The following RNF170 variants were observed in gnomAD, a reference collection of about 807,000 sequenced individuals.
RNF170 encodes E3 ubiquitin-protein ligase RNF170.
In RNF170, 12 loss-of-function variants were observed where a neutral mutation model predicts 32.7. The ratio of observed to expected loss-of-function variants is 0.37; its 90% CI spans 0.24 to 0.60. RNF170 has a LOEUF of 0.60. Ranked by LOEUF, RNF170 falls within the 20% of genes least tolerant of loss-of-function variation. The probability of loss-of-function intolerance (pLI) is 0.72; values close to 1 mark genes in which losing one functional copy is unlikely to be tolerated. For missense variants in RNF170, 212 were observed against 311.2 expected (o/e 0.68, Z 2.40); for synonymous variants, 91 against 103.6 (o/e 0.88, Z 0.74).
At chr8:42,877,642 A>G (rs546330798) in intron 2 of RNF170, among the ~76,000 whole-genome samples, 4 of 152,242 alleles carry the variant, frequency 2.6e-5, no homozygotes, top group Non-Finnish European at 4.4e-5. Context: ...AAATGCATCA[A>G]AGGGCCAAAC....
At chr8:42,897,033 G>A, upstream of RNF170, 2 of 912,198 alleles carry the variant, frequency 2.2e-6, no homozygotes, top group Non-Finnish European at 2.9e-6. Flanking sequence ...GAGCAGGCGG[G>A]CCTGAGGCCG....
intron 2 of RNF170, among the ~76,000 whole-genome samples, chr8:42,880,732 T>C (rs190789748): frequency 1.2e-3 from 179 of 152,114 alleles, no homozygotes; most frequent in African/African-American, 4.2e-3. Context: ...ATCACGCCAC[T>C]GCACTCCAGC....
chr8:42,876,177 A>G (rs1301781377), intron 2 of RNF170, among the ~76,000 whole-genome samples: 1 of 151,538 alleles, frequency 6.6e-6, no homozygotes, highest in Non-Finnish European at 1.5e-5. Context: ...TCTATAAGAA[A>G]GAAGATGTAG....
chr8:42,870,318 A>G (rs761755319), intron 3 of RNF170, among the ~76,000 whole-genome samples: 9 of 152,218 alleles, frequency 5.9e-5, no homozygotes, highest in Non-Finnish European at 1.3e-4. Flanking sequence ...TTTCCTTCCT[A>G]AACACAATTT....
intron 2 of RNF170, among the ~76,000 whole-genome samples, chr8:42,880,357 A>G (rs1286837195): frequency 6.6e-6 from 1 of 152,260 alleles, no homozygotes; most frequent in Non-Finnish European, 1.5e-5. Flanking sequence ...GACTGACTCC[A>G]GTTTTGAAAA....
chr8:42,892,552 T>C (rs1253067125), intron 1 of RNF170, among the ~76,000 whole-genome samples: 1 of 152,194 alleles, frequency 6.6e-6, no homozygotes, highest in Non-Finnish European at 1.5e-5. Flanking sequence ...CTGTGCTCAA[T>C]TGCTTCACCC....
chr8:42,853,872 C>A lies in RNF170; in HGVS notation c.*2287G>T, dbSNP rs540416187. 1.6e-6 allele frequency: 2 copies of A among 1,286,578 alleles called. No individual in the cohort carries two copies. The highest frequency in any genetic ancestry group is 2.5e-5 in the South Asian group (2 of 80,908). 79.7% of individuals were successfully genotyped at this position (1,286,578 alleles called of 1,614,324 possible). A position where few individuals can be genotyped will look rare whatever the true frequency, so the allele number is the denominator to read the frequency against. Reference sequence around the variant, plus strand: ...TTATGTTACAAAATTTGGTACAATACACCTCTTTCAGGAAAGTCTTAGTAG... The same window carrying A: ...TTATGTTACAAAATTTGGTACAATAAACCTCTTTCAGGAAAGTCTTAGTAG... On this transcript the variant is annotated 3_prime_UTR_variant, in exon 7 of 7. Transcript: ENST00000527424.
At chr8:42,892,469 A>G (rs1806382834) in intron 1 of RNF170, among the ~76,000 whole-genome samples, 1 of 152,160 alleles carries the variant, frequency 6.6e-6, no homozygotes, top group East Asian at 1.9e-4. Flanking sequence ...CCAGCCAAAA[A>G]TTAATGTTTA....
chr8:42,869,057 T>C (rs535226787), intron 4 of RNF170, among the ~76,000 whole-genome samples: 1 of 152,156 alleles, frequency 6.6e-6, no homozygotes, highest in African/African-American at 2.4e-5. Context: ...ATTGCACATG[T>C]GAGCTATTGC....
At position 42,854,888 on chromosome 8, in the gene RNF170, C is replaced by T; in HGVS notation, c.*1271G>A. On this transcript the variant is annotated 3_prime_UTR_variant, in exon 7 of 7. Coordinates refer to ENST00000527424, the MANE Select transcript of RNF170 (RefSeq NM_030954.4). ...CACTTGTTTGGCTCAAGACATGAATCTGAGCTGTGTGCTGCCATCCTGAGA... is the reference window on the plus strand; with the variant it reads ...CACTTGTTTGGCTCAAGACATGAATTTGAGCTGTGTGCTGCCATCCTGAGA... 7.8e-7 allele frequency: 1 copy of T among 1,287,236 alleles called. No homozygotes were observed. The highest frequency in any genetic ancestry group is 5.5e-5 in the East Asian group (1 of 18,032). 79.7% of individuals were successfully genotyped at this position (1,287,236 alleles called of 1,614,324 possible).
chr8:42,858,398 G>A (rs1803403304), intron 6 of RNF170, among the ~76,000 whole-genome samples: 2 of 152,124 alleles, frequency 1.3e-5, no homozygotes, highest in South Asian at 4.1e-4. Flanking sequence ...TAATATATTC[G>A]GCTGGGAGCA....
chr8:42,883,570 G>GAAAAAAAAAAAA (rs34475440), intron 2 of RNF170, among the ~76,000 whole-genome samples: 1 of 43,736 alleles, frequency 2.3e-5, no homozygotes, highest in Non-Finnish European at 4.1e-5. Flanking sequence ...CTCTGTCTCA[G>GAAAAAAAAAAAA]AAAAAAAAAA....
intron 2 of RNF170, 119 bp downstream of exon 2, chr8:42,887,609 A>AC: frequency 1.1e-6 from 1 of 927,780 alleles, no homozygotes; most frequent in Non-Finnish European, 1.8e-6. Context: ...ACCTTAGTAA[A>AC]CATCTACAAT....
At chr8:42,868,998 G>C (rs1484582265) in intron 4 of RNF170, among the ~76,000 whole-genome samples, 10 of 152,116 alleles carry the variant, frequency 6.6e-5, no homozygotes, top group Admixed American at 4.6e-4. Flanking sequence ...GCAGGCTCAA[G>C]CTCCTGGGCT....
At chr8:42,850,653 T>C, downstream of RNF170, 1 of 948,182 alleles carries the variant, frequency 1.1e-6, no homozygotes. Flanking sequence ...ACAATGGAAA[T>C]GTCAATATGA....
At chr8:42,876,991 T>C (rs1427872499) in intron 2 of RNF170, among the ~76,000 whole-genome samples, 2 of 144,938 alleles carry the variant, frequency 1.4e-5, no homozygotes, top group African/African-American at 2.6e-5. Context: ...TCTTGTTCTG[T>C]CGTCCAGGCT....
At chr8:42,888,128 G>A (rs75013221) in intron 1 of RNF170, among the ~76,000 whole-genome samples, 4,525 of 151,934 alleles carry the variant, frequency 0.03, 98 homozygotes, top group African/African-American at 0.055. Context: ...GCAGTGATGC[G>A]GATCTCAGCT....
At chr8:42,878,627 T>C (rs979115920) in intron 2 of RNF170, among the ~76,000 whole-genome samples, 2 of 152,238 alleles carry the variant, frequency 1.3e-5, no homozygotes, top group Non-Finnish European at 2.9e-5. Flanking sequence ...GTGCAAACTT[T>C]TATTTTATGG....
intron 5 of RNF170, among the ~76,000 whole-genome samples, chr8:42,863,453 A>AG (rs1803812661): frequency 6.6e-6 from 1 of 151,322 alleles, no homozygotes; most frequent in Non-Finnish European, 1.5e-5. Flanking sequence ...TAAAAAAAAA[A>AG]TTTTTTTTTG....
Sources: allele counts gnomAD v4.1 joint callset (sites outside exome capture counted in the v4.1 genomes callset), GRCh38; gene constraint gnomAD v4.1.1; transcripts MANE v1.5; gene names NCBI Gene and HGNC (gene_info 2026-07-23, HGNC 2026-07-21).